Variants in CNTNAP2 observed in about 807,000 individuals in gnomAD.
CNTNAP2 encodes the protein contactin associated protein 2.
Under a neutral mutation model 155.2 loss-of-function variants are expected in CNTNAP2, and 98 were observed. The observed-to-expected ratio is 0.63, with a 90% CI of 0.54 to 0.75. CNTNAP2 has a LOEUF of 0.75. Among genes scored for constraint, CNTNAP2 ranks in the 30% least tolerant of loss-of-function variants. The pLI, the probability that CNTNAP2 is intolerant of heterozygous loss-of-function variation, is 0.00. For synonymous variants in CNTNAP2, 651 were observed against 631.2 expected (o/e 1.03, Z -0.47); for missense variants, 1,727 against 1,688.1 (o/e 1.02, Z -0.40).
intron 1 of CNTNAP2, among the ~76,000 whole-genome samples, chr7:146,303,866 G>T (rs1279511657): frequency 6.6e-6 from 1 of 152,044 alleles, no homozygotes; most frequent in East Asian, 1.9e-4. Flanking sequence ...TGACAGTGGG[G>T]TGTTAAAGTC....
intron 1 of CNTNAP2, among the ~76,000 whole-genome samples, chr7:146,151,856 A>C (rs1251102646): frequency 6.6e-6 from 1 of 150,958 alleles, no homozygotes; most frequent in Non-Finnish European, 1.5e-5. Context: ...CATCAGAAAG[A>C]CAAAAGATAA....
intron 3 of CNTNAP2, among the ~76,000 whole-genome samples, chr7:147,023,330 A>G (rs899674303): frequency 7.9e-5 from 12 of 152,192 alleles, no homozygotes; most frequent in Non-Finnish European, 1.6e-4. Context: ...TAGTGCAAGG[A>G]CCCATTTATC....
intron 1 of CNTNAP2, among the ~76,000 whole-genome samples, chr7:146,197,794 C>T (rs187272998): frequency 2.2e-4 from 33 of 152,042 alleles, no homozygotes; most frequent in East Asian, 2.1e-3. Context: ...AATTAAAAGC[C>T]GGTTTCTTGA....
chr7:146,281,415 A>T (rs1280428026), intron 1 of CNTNAP2, among the ~76,000 whole-genome samples: 1 of 152,240 alleles, frequency 6.6e-6, no homozygotes, highest in Admixed American at 6.5e-5. Context: ...CTAATTGAAC[A>T]CTTAACAAAA....
chr7:146,214,644 A>G (rs1477258683), intron 1 of CNTNAP2, among the ~76,000 whole-genome samples: 1 of 152,210 alleles, frequency 6.6e-6, no homozygotes, highest in Non-Finnish European at 1.5e-5. Context: ...ACAATGAGTC[A>G]TTAAATGTAT....
intron 4 of CNTNAP2, among the ~76,000 whole-genome samples, chr7:147,066,151 T>C (rs955247523): frequency 3.3e-5 from 5 of 152,224 alleles, no homozygotes; most frequent in Admixed American, 3.3e-4. Context: ...CACACTGACC[T>C]ATTATTTAAT....
At chr7:148,226,539 G>C (rs758774183) in intron 19 of CNTNAP2, among the ~76,000 whole-genome samples, 1 of 152,204 alleles carries the variant, frequency 6.6e-6, no homozygotes, top group Non-Finnish European at 1.5e-5. Flanking sequence ...CAGATCTCAG[G>C]AGTTGGGCAA....
chr7:146,281,576 C>A (rs1800252298), intron 1 of CNTNAP2, among the ~76,000 whole-genome samples: 1 of 152,134 alleles, frequency 6.6e-6, no homozygotes. Context: ...GCGGGTGGAT[C>A]ACAAGGTCAG....
intron 3 of CNTNAP2, among the ~76,000 whole-genome samples, chr7:146,860,820 T>G (rs1440396142): frequency 6.6e-6 from 1 of 152,106 alleles, no homozygotes; most frequent in Non-Finnish European, 1.5e-5. Context: ...ACCAGGGTCT[T>G]AAGGATAGAA....
intron 1 of CNTNAP2, among the ~76,000 whole-genome samples, chr7:146,411,670 T>C (rs1795866527): frequency 6.6e-6 from 1 of 152,110 alleles, no homozygotes; most frequent in African/African-American, 2.4e-5. Flanking sequence ...CCAACCGTGT[T>C]GTGTGTAGAT....
chr7:146,843,028 C>T (rs1202662562), intron 3 of CNTNAP2, among the ~76,000 whole-genome samples: 1 of 19,854 alleles, frequency 5.0e-5, no homozygotes, highest in East Asian at 2.8e-3. Flanking sequence ...TTTTTTGAGA[C>T]GGAGTCTCGC....
At chr7:146,856,441 G>T (rs9648839) in intron 3 of CNTNAP2, among the ~76,000 whole-genome samples, 67,152 of 151,742 alleles carry the variant, frequency 0.44, 15,677 homozygotes, top group African/African-American at 0.59. Flanking sequence ...GGTGCTGGAG[G>T]TGGGAACTCA....
intron 21 of CNTNAP2, among the ~76,000 whole-genome samples, chr7:148,333,415 A>T (rs1168058696): frequency 1.3e-5 from 2 of 148,306 alleles, no homozygotes; most frequent in African/African-American, 5.0e-5. Context: ...GTGACAGATC[A>T]GATTCCATCT....
chr7:146,169,663 T>G (rs1198167740), intron 1 of CNTNAP2, among the ~76,000 whole-genome samples: 1 of 147,340 alleles, frequency 6.8e-6, no homozygotes, highest in Non-Finnish European at 1.5e-5. Context: ...CCTTCTTCTG[T>G]TGCTGTGATA....
At chr7:146,395,369 T>C (rs951947669) in intron 1 of CNTNAP2, among the ~76,000 whole-genome samples, 6 of 152,106 alleles carry the variant, frequency 3.9e-5, no homozygotes, top group East Asian at 1.9e-4. Context: ...GGAGCCATTT[T>C]ATTATTCTTG....
At chr7:147,862,937 T>A (rs185398290) in intron 13 of CNTNAP2, among the ~76,000 whole-genome samples, 1,929 of 152,076 alleles carry the variant, frequency 0.013, 42 homozygotes, top group African/African-American at 0.043. Context: ...TTTTATATTT[T>A]TATATATATA....
intron 9 of CNTNAP2, among the ~76,000 whole-genome samples, chr7:147,382,347 G>C (rs1189112083): frequency 6.6e-6 from 1 of 152,134 alleles, no homozygotes; most frequent in East Asian, 1.9e-4. Context: ...GCTCAGGTGG[G>C]AACGAAGAGA....
At chr7:146,423,344 A>G (rs1231440149) in intron 1 of CNTNAP2, among the ~76,000 whole-genome samples, 1 of 152,146 alleles carries the variant, frequency 6.6e-6, no homozygotes, top group Non-Finnish European at 1.5e-5. Context: ...TTTTTCTGAA[A>G]ATGAATATTA....
intron 1 of CNTNAP2, among the ~76,000 whole-genome samples, chr7:146,339,117 C>G (rs1041554484): frequency 6.6e-6 from 1 of 151,998 alleles, no homozygotes; most frequent in African/African-American, 2.4e-5. Flanking sequence ...CCTGGGAGGT[C>G]TCTCTGTCTC....
Sources: gnomAD v4.1 joint callset for allele counts (sites outside exome capture counted in the v4.1 genomes callset) on GRCh38, gnomAD v4.1.1 for gene constraint, MANE v1.5 for transcripts, NCBI Gene and HGNC (gene_info 2026-07-23, HGNC 2026-07-21) for gene names.